Variants in NLGN1 observed in about 807,000 individuals in gnomAD.
NLGN1 encodes the protein neuroligin-1.
NLGN1 carries 12 observed loss-of-function variants against 65.5 expected under a neutral mutation model. The ratio of observed to expected loss-of-function variants is 0.18; its 90% CI spans 0.12 to 0.30. The LOEUF (loss-of-function observed/expected upper bound fraction) is 0.30, where lower values mean the gene tolerates loss of function less well. NLGN1 is among the 10% of genes least tolerant of loss of function. The pLI is 1.00. For synonymous variants in NLGN1, 350 were observed against 359.5 expected, an observed-to-expected ratio of 0.97 and a Z score of 0.30; for missense variants, 750 against 1,007.1, an observed-to-expected ratio of 0.74 and a Z score of 3.46.
chr3:173,607,895 T>C (rs1751637947), intron 3 of NLGN1, among the ~76,000 whole-genome samples: 1 of 151,674 alleles, frequency 6.6e-6, no homozygotes, highest in South Asian at 2.1e-4. Context: ...TATTATTTAT[T>C]CTTTTATTAT....
At chr3:173,568,525 G>C (rs530364744) in intron 2 of NLGN1, among the ~76,000 whole-genome samples, 1 of 152,230 alleles carries the variant, frequency 6.6e-6, no homozygotes, top group South Asian at 2.1e-4. Context: ...ACAAGCCACT[G>C]TGCCCGGCCT....
intron 4 of NLGN1, among the ~76,000 whole-genome samples, chr3:174,181,026 G>A (rs1422847728): frequency 6.6e-6 from 1 of 152,070 alleles, no homozygotes; most frequent in African/African-American, 2.4e-5. Context: ...AAAGAGCAGG[G>A]GTAACACTAA....
intron 4 of NLGN1, among the ~76,000 whole-genome samples, chr3:173,948,724 T>C (rs184895120): frequency 1.6e-3 from 250 of 152,332 alleles, no homozygotes; most frequent in African/African-American, 5.6e-3. Flanking sequence ...TGTCTCAAAC[T>C]GTTCTGAAAC....
At chr3:173,561,137 T>G (rs1036423961) in intron 2 of NLGN1, among the ~76,000 whole-genome samples, 2 of 152,204 alleles carry the variant, frequency 1.3e-5, no homozygotes, top group African/African-American at 2.4e-5. Flanking sequence ...TTTCTGACAC[T>G]GCAAAATGTC....
chr3:173,682,568 GAC>G (rs1345471095), intron 3 of NLGN1, among the ~76,000 whole-genome samples: 1 of 116,252 alleles, frequency 8.6e-6, no homozygotes, highest in Non-Finnish European at 1.6e-5. Context: ...CAGCCTGGGT[GAC>G]AGAGTGAGAC....
intron 2 of NLGN1, among the ~76,000 whole-genome samples, chr3:173,590,352 G>GTTACTACATA (rs1748263473): frequency 6.6e-6 from 1 of 152,154 alleles, no homozygotes; most frequent in Admixed American, 6.5e-5. Context: ...ACTGTGCCAA[G>GTTACTACATA]TGTTCTAATA....
chr3:173,695,630 T>C (rs1560185374), intron 3 of NLGN1: 1 of 266,454 alleles, frequency 3.8e-6, no homozygotes. Flanking sequence ...AAACATCTTA[T>C]ACTTTAAAAA....
intron 4 of NLGN1, among the ~76,000 whole-genome samples, chr3:174,007,321 C>T (rs904586997): frequency 1.3e-5 from 2 of 152,142 alleles, no homozygotes; most frequent in African/African-American, 4.8e-5. Flanking sequence ...GAAGCCCTAG[C>T]AAATTCATAC....
chr3:174,216,039 T>G (rs1737535338), intron 4 of NLGN1, among the ~76,000 whole-genome samples: 1 of 152,094 alleles, frequency 6.6e-6, no homozygotes, highest in Non-Finnish European at 1.5e-5. Context: ...ACCCAAGGGG[T>G]AGGTTATTGG....
At chr3:173,817,735 T>C (rs1352134989) in intron 4 of NLGN1, among the ~76,000 whole-genome samples, 2 of 152,210 alleles carry the variant, frequency 1.3e-5, no homozygotes, top group Non-Finnish European at 2.9e-5. Flanking sequence ...CATGTAATCA[T>C]GATGCCTCCT....
At chr3:174,239,396 T>C (rs1742374534) in intron 4 of NLGN1, among the ~76,000 whole-genome samples, 1 of 152,144 alleles carries the variant, frequency 6.6e-6, no homozygotes, top group Non-Finnish European at 1.5e-5. Flanking sequence ...AGAACTTACA[T>C]GTATGCATCT....
chr3:173,892,140 G>A (rs529279883), intron 4 of NLGN1, among the ~76,000 whole-genome samples: 2 of 148,910 alleles, frequency 1.3e-5, no homozygotes, highest in East Asian at 4.0e-4. Context: ...TACCTATTAT[G>A]TCATTAAAAC....
At chr3:173,835,626 T>C (rs1723498221) in intron 4 of NLGN1, among the ~76,000 whole-genome samples, 1 of 142,290 alleles carries the variant, frequency 7.0e-6, no homozygotes, top group African/African-American at 2.5e-5. Context: ...CTCTCATCTA[T>C]GCCCTTGTTT....
intron 4 of NLGN1, among the ~76,000 whole-genome samples, chr3:173,881,651 C>T (rs1179701190): frequency 1.3e-5 from 2 of 151,986 alleles, no homozygotes; most frequent in Non-Finnish European, 2.9e-5. Flanking sequence ...TGGTCTCGAT[C>T]TCCTGACCTC....
chr3:173,631,047 CG>C (rs1755610654), intron 3 of NLGN1, among the ~76,000 whole-genome samples: 1 of 152,042 alleles, frequency 6.6e-6, no homozygotes, highest in African/African-American at 2.4e-5. Context: ...GTGACTGCTC[CG>C]CCTTCTTTGT....
chr3:174,278,747 T>A, intron 5 of NLGN1, 114 bp from the exon 6 acceptor site: 2 of 796,414 alleles, frequency 2.5e-6, no homozygotes, highest in Non-Finnish European at 3.6e-6. Context: ...TCTAACTCCC[T>A]GTTTCTTGAG....
chr3:174,280,662 C>A lies in NLGN1; in HGVS notation c.1831C>A (p.Pro611Thr). 6.2e-7 allele frequency: 1 copy of A among 1,613,276 alleles called. No individual in the cohort carries two copies. The highest frequency in any genetic ancestry group is 8.5e-7 in the Non-Finnish European group (1 of 1,179,514). Residue 611 changes from proline to threonine, a missense_variant, in exon 7 of 7, where the codon CCT (proline) becomes ACT (threonine). Transcript: ENST00000457714. The surrounding 1 kb of genome is among the most constrained non-coding windows in gnomAD (Gnocchi z 4.9). ...GGTGAACCTCTGGTTGGAGTTGGTA[C>A]CTCATCTGCATAATCTCAATGACAT...
chr3:173,828,191 A>G (rs1721749575), intron 4 of NLGN1, among the ~76,000 whole-genome samples: 1 of 152,178 alleles, frequency 6.6e-6, no homozygotes, highest in African/African-American at 2.4e-5. Flanking sequence ...ATATATGTAT[A>G]TAATAGCATA....
chr3:173,851,051 C>A (rs1726830284), intron 4 of NLGN1, among the ~76,000 whole-genome samples: 1 of 152,056 alleles, frequency 6.6e-6, no homozygotes, highest in Non-Finnish European at 1.5e-5. Context: ...ACTTACTTAT[C>A]TTTCAAACTT....
Sources: allele counts gnomAD v4.1 joint callset (sites outside exome capture counted in the v4.1 genomes callset), GRCh38; gene constraint gnomAD v4.1.1; non-coding constraint Gnocchi (gnomAD v3.1); transcripts MANE v1.5; gene names NCBI Gene and HGNC (gene_info 2026-07-23, HGNC 2026-07-21).